Variants in AHR observed in about 807,000 individuals in gnomAD.
AHR encodes the protein aryl hydrocarbon receptor.
AHR carries 40 observed loss-of-function variants against 86.8 expected under a neutral mutation model. The ratio of observed to expected loss-of-function variants is 0.46; its 90% CI spans 0.36 to 0.60. The LOEUF (loss-of-function observed/expected upper bound fraction) is 0.60, where lower values mean the gene tolerates loss of function less well. Ranked by LOEUF, AHR falls within the 20% of genes least tolerant of loss-of-function variation. The pLI is 0.00. For synonymous variants in AHR, 398 were observed against 354.9 expected (o/e 1.12, Z -1.37); for missense variants, 1,001 against 1,011.6 (o/e 0.99, Z 0.14).
chr7:17,309,024 A>G (rs2115352526), intron 1 of AHR, among the ~76,000 whole-genome samples: 1 of 152,334 alleles, frequency 6.6e-6, no homozygotes, highest in South Asian at 2.1e-4. Context: ...TTCCCAGTTC[A>G]GCGTGGGTAT....
In AHR at chr7:17,337,063, A is replaced by G. The variant is rs183997233; in HGVS notation, c.1160+1277A>G. Among the ~76,000 whole-genome samples, 3 of 152,234 alleles carry G rather than the reference A, an allele frequency of 2.0e-5. No individual in the cohort carries two copies. In the East Asian group the frequency reaches 5.8e-4, roughly 29 times the overall value. Reference sequence around the variant, plus strand: ...CTATCTTATTTTTATTATTTAATTGAAAATACTGGCTAATTTGTTTTTATT... The same window carrying G: ...CTATCTTATTTTTATTATTTAATTGGAAATACTGGCTAATTTGTTTTTATT... On this transcript the variant is annotated intron_variant, in intron 9 of 10. Coordinates refer to ENST00000242057, the MANE Select transcript of AHR (RefSeq NM_001621.5).
At chr7:17,303,329 T>A (rs184903457) in intron 1 of AHR, among the ~76,000 whole-genome samples, 42 of 152,170 alleles carry the variant, frequency 2.8e-4, no homozygotes, top group African/African-American at 1.0e-3. Context: ...TCTTTTTGCT[T>A]CAAAGCTTGT....
intron 1 of AHR, 68 bp from the exon 2 acceptor site, chr7:17,309,868 T>A: frequency 7.6e-7 from 1 of 1,309,978 alleles, no homozygotes; most frequent in South Asian, 1.8e-5. Context: ...GGAGATGTTA[T>A]AATGCAATAG....
intron 1 of AHR, 129 bp from the exon 2 acceptor site, chr7:17,309,807 C>T (rs986032224): frequency 5.0e-5 from 38 of 755,176 alleles, no homozygotes; most frequent in African/African-American, 1.6e-4. Flanking sequence ...GAAAGACTTA[C>T]GTAAACTTTA....
At chr7:17,323,474 T>C (rs1186036482) in intron 3 of AHR, among the ~76,000 whole-genome samples, 1 of 152,174 alleles carries the variant, frequency 6.6e-6, no homozygotes, top group Non-Finnish European at 1.5e-5. Flanking sequence ...CTCTTTTTTT[T>C]AGAATTGATG....
chr7:17,316,158 AAAACTGAAATGAAATGAAAGTGT>A (rs1212959200), intron 2 of AHR, among the ~76,000 whole-genome samples: 57 of 152,326 alleles, frequency 3.7e-4, no homozygotes, highest in African/African-American at 7.2e-4. Context: ...CATGAAAGTG[AAAACTGAAATGAAATGAAAGTGT>A]AAACTGAAAT....
rs148642986 is a variant in AHR, at chr7:17,316,647, T to C, written c.254-5854T>C. Among the ~76,000 whole-genome samples, 278 of 152,280 alleles carry C rather than the reference T, an allele frequency of 1.8e-3. 1 individual carries two copies. The highest frequency in any genetic ancestry group is 3.1e-3 in the Non-Finnish European group (212 of 67,998). On this transcript the variant is annotated intron_variant, in intron 2 of 10. Coordinates refer to ENST00000242057, the MANE Select transcript of AHR (RefSeq NM_001621.5). ...GAGACAAGTAGTCTGATGGGATTGG[T>C]TGACATAAAGAACCTTAATGAATTG...
In AHR at chr7:17,322,589, A is replaced by AG; in HGVS notation, c.344dup (p.Glu116ArgfsTer37). The AG allele has an allele frequency of 6.2e-7, 1 of 1,609,168 alleles. No homozygotes were observed. Among genetic ancestry groups the AG allele is most frequent in the Non-Finnish European group, 8.5e-7 (1 of 1,176,002 alleles). ...TCAGAGAAGGCCTGAACTTACAAGA[A>AG]GGAGAATTCTTATTACAGGTAAATT... On this transcript the variant is annotated frameshift_variant, in exon 3 of 11. Transcript: ENST00000242057. LOFTEE classifies it high-confidence loss of function.
intron 1 of AHR, among the ~76,000 whole-genome samples, chr7:17,309,078 G>A (rs1327955173): frequency 1.3e-5 from 2 of 152,158 alleles, no homozygotes; most frequent in Non-Finnish European, 2.9e-5. Flanking sequence ...TGTCTGCTGT[G>A]AAATCCTGGC....
chr7:17,333,267 C>T (rs1284880212), intron 6 of AHR, among the ~76,000 whole-genome samples: 1 of 151,854 alleles, frequency 6.6e-6, no homozygotes, highest in Non-Finnish European at 1.5e-5. Flanking sequence ...CCTTTTCCTC[C>T]TTGTGCTGCT....
intron 10 of AHR, among the ~76,000 whole-genome samples, chr7:17,340,998 A>G (rs796782437): frequency 2.2e-4 from 33 of 152,226 alleles, no homozygotes; most frequent in African/African-American, 7.9e-4. Flanking sequence ...AGTTAACATA[A>G]TGTCAGTAAC....
rs2115369601 is a variant in AHR at position 17,339,165 on chromosome 7, G to A, written c.1340G>A (p.Ser447Asn). The stretch of plus-strand genomic sequence containing the variant: ...GACTCTGCTACCACATCCACTCTAA[G>A]CAAGGACTCTCTCAATCCTAGTTCC... Reference protein sequence around the residue: ...GKDSATTSTLSKDSLNPSSLL... With the variant: ...GKDSATTSTLNKDSLNPSSLL... The change falls in exon 10 of 11, where the codon AGC becomes AAC. Residue 447 changes from serine to asparagine, a missense_variant. By Grantham distance (46) the Ser-to-Asn change is conservative. Coordinates refer to ENST00000242057, the MANE Select transcript of AHR (RefSeq NM_001621.5). 1 of 1,614,132 alleles carries A rather than the reference G, an allele frequency of 6.2e-7. No individual in the cohort carries two copies.
chr7:17,310,013 A>G lies in AHR; in HGVS notation c.143A>G (p.Asp48Gly). 1 of 1,613,988 alleles carries G rather than the reference A, an allele frequency of 6.2e-7. No homozygotes were observed. ...RHRDRLNTELDRLASLLPFPQ... is the reference protein window; with the variant it reads ...RHRDRLNTELGRLASLLPFPQ... ...AGAGACCGACTTAATACAGAGTTGG[A>G]CCGTTTGGCTAGCCTGCTGCCTTTC... Residue 48 changes from aspartate to glycine, a missense_variant, in exon 2 of 11, where the codon GAC (aspartate) becomes GGC (glycine). Physicochemically the swap from Asp to Gly is moderately conservative, Grantham distance 94. Transcript: ENST00000242057.
At chr7:17,316,791 G>A (rs1782119240) in intron 2 of AHR, among the ~76,000 whole-genome samples, 1 of 152,000 alleles carries the variant, frequency 6.6e-6, no homozygotes, top group South Asian at 2.1e-4. Flanking sequence ...TCTGTGTTAT[G>A]GAGACATTTC....
Position 17,340,191 on chromosome 7 carries a change from A to G in AHR, c.2366A>G (p.Asn789Ser), listed in dbSNP as rs1485776768. The G allele has an allele frequency of 9.9e-6, 16 of 1,613,066 alleles. No homozygotes were observed. Among genetic ancestry groups the G allele is most frequent in the African/African-American group, 1.3e-5 (1 of 74,898 alleles). The change falls in exon 10 of 11, where the codon AAT becomes AGT. Residue 789 changes from asparagine (N) to serine (S), a missense_variant. Transcript: ENST00000242057. Reference sequence around the variant, plus strand: ...ACCCACGTGGGTCAGATGCAGTACAATCCAGTACTGCCAGGCCAACAGGCA... The same window carrying G: ...ACCCACGTGGGTCAGATGCAGTACAGTCCAGTACTGCCAGGCCAACAGGCA... ...QHTHVGQMQYNPVLPGQQAFL... is the reference protein window; with the variant it reads ...QHTHVGQMQYSPVLPGQQAFL...
At chr7:17,332,399 T>G (rs1782305989) in intron 6 of AHR, among the ~76,000 whole-genome samples, 1 of 151,808 alleles carries the variant, frequency 6.6e-6, no homozygotes, top group African/African-American at 2.4e-5. Flanking sequence ...GAAGGCATTG[T>G]TATCACAGGA....
At chr7:17,300,232 T>C (rs1326959319) in intron 1 of AHR, among the ~76,000 whole-genome samples, 1 of 152,236 alleles carries the variant, frequency 6.6e-6, no homozygotes, top group Non-Finnish European at 1.5e-5. Flanking sequence ...CTATCCGTGC[T>C]CAAAACATTT....
At chr7:17,302,021 T>C (rs958013361) in intron 1 of AHR, among the ~76,000 whole-genome samples, 2 of 152,036 alleles carry the variant, frequency 1.3e-5, no homozygotes, top group African/African-American at 4.8e-5. Context: ...TTTATTTATT[T>C]TGTCTCATGA....
Position 17,344,422 on chromosome 7 carries a change from T to C in AHR, c.*1358T>C, listed in dbSNP as rs1275596667. The C allele has an allele frequency of 6.5e-6, 1 of 152,750 alleles. No homozygotes were observed. The highest frequency in any genetic ancestry group is 1.5e-5 in the Non-Finnish European group (1 of 68,030). 9.5% of individuals were successfully genotyped at this position (152,750 alleles called of 1,614,324 possible). A position where few individuals can be genotyped will look rare whatever the true frequency, so the allele number is the denominator to read the frequency against. ...ATTTGTTGGGGCTTTACATACTTTATCAATGTGTCTTTCTAAGAAATCAAG... is the reference window on the plus strand; with the variant it reads ...ATTTGTTGGGGCTTTACATACTTTACCAATGTGTCTTTCTAAGAAATCAAG... On this transcript the variant is annotated 3_prime_UTR_variant, in exon 11 of 11. Transcript: ENST00000242057.
Sources: allele counts gnomAD v4.1 joint callset (sites outside exome capture counted in the v4.1 genomes callset), GRCh38; gene constraint gnomAD v4.1.1; transcripts MANE v1.5; gene names NCBI Gene and HGNC (gene_info 2026-07-23, HGNC 2026-07-21).